The following LRRC37A2 variants were observed in gnomAD, a reference collection of about 807,000 sequenced individuals.
LRRC37A2 encodes leucine-rich repeat-containing protein 37A2.
A neutral mutation model predicts 68.8 loss-of-function variants in LRRC37A2; 9 were observed. That is an observed-to-expected ratio of 0.13 (90% CI 0.08 to 0.23). LRRC37A2 has a LOEUF of 0.23. Among genes scored for constraint, LRRC37A2 ranks in the 10% least tolerant of loss-of-function variants. LRRC37A2 has a pLI of 1.00. For missense variants in LRRC37A2, 168 were observed against 950.4 expected (o/e 0.18, Z 10.82); for synonymous variants, 63 against 367.6 (o/e 0.17, Z 9.48).
chr17:46,823,193 T>C, the LRRC37A2 span, among the ~76,000 whole-genome samples: 1 of 128,398 alleles, frequency 7.8e-6, no homozygotes, highest in Non-Finnish European at 1.5e-5. Context: ...ATATATTATA[T>C]ATATTTATAT....
chr17:46,860,303 G>A, the LRRC37A2 span, among the ~76,000 whole-genome samples: 29,701 of 152,028 alleles, frequency 0.2, 3,558 homozygotes, highest in East Asian at 0.51. Flanking sequence ...AGAGGTCCTG[G>A]TGCCTTTGGG....
At chr17:46,907,167 G>A in the LRRC37A2 span, among the ~76,000 whole-genome samples, 3 of 152,208 alleles carry the variant, frequency 2.0e-5, no homozygotes, top group South Asian at 2.1e-4. Context: ...GTAGCCTGCC[G>A]AGGTCAACAG....
the LRRC37A2 span, chr17:47,018,167 C>A: frequency 6.3e-7 from 1 of 1,598,320 alleles, no homozygotes; most frequent in Non-Finnish European, 8.6e-7. Flanking sequence ...AGCAGGAGAC[C>A]CCAATTCAGT....
At chr17:46,742,973 T>G in the LRRC37A2 span, among the ~76,000 whole-genome samples, 1 of 152,098 alleles carries the variant, frequency 6.6e-6, no homozygotes, top group Admixed American at 6.6e-5. Flanking sequence ...CAGGAAAGCT[T>G]CTTACTCTTG....
the LRRC37A2 span, among the ~76,000 whole-genome samples, chr17:46,896,452 A>AAGAAAGAG: frequency 3.0e-4 from 20 of 65,878 alleles, no homozygotes; most frequent in Middle Eastern, 7.9e-3. Context: ...GAAAGAAAGA[A>AAGAAAGAG]AAAGAAAGAA....
the LRRC37A2 span, among the ~76,000 whole-genome samples, chr17:46,834,412 G>C: frequency 6.6e-6 from 1 of 152,104 alleles, no homozygotes; most frequent in Non-Finnish European, 1.5e-5. Flanking sequence ...TTAGGAGATG[G>C]AGAGTTAGGC....
the LRRC37A2 span, among the ~76,000 whole-genome samples, chr17:46,862,730 C>T: frequency 6.6e-6 from 1 of 152,144 alleles, no homozygotes; most frequent in African/African-American, 2.4e-5. Flanking sequence ...CAACAGGCGT[C>T]TACCACCACA....
the LRRC37A2 span, among the ~76,000 whole-genome samples, chr17:46,959,195 C>T: frequency 3.3e-5 from 5 of 152,162 alleles, no homozygotes; most frequent in African/African-American, 7.2e-5. Flanking sequence ...TCACCTGTGT[C>T]CTACCACCAG....
the LRRC37A2 span, among the ~76,000 whole-genome samples, chr17:46,904,732 A>G: frequency 1.3e-5 from 2 of 152,218 alleles, no homozygotes; most frequent in South Asian, 4.1e-4. Flanking sequence ...CTGAAGAGGC[A>G]TAAAGTTTCA....
the LRRC37A2 span, among the ~76,000 whole-genome samples, chr17:46,762,288 A>ATTGT: frequency 6.6e-6 from 1 of 152,222 alleles, no homozygotes; most frequent in Non-Finnish European, 1.5e-5. Context: ...CTGGAAATTC[A>ATTGT]TTGTTAGAAG....
chr17:46,847,047 A>AT, the LRRC37A2 span, among the ~76,000 whole-genome samples: 1 of 152,182 alleles, frequency 6.6e-6, no homozygotes, highest in Non-Finnish European at 1.5e-5. Flanking sequence ...ACTTTCAGTA[A>AT]TTTTTTTCAT....
intron 6 of LRRC37A2, among the ~76,000 whole-genome samples, chr17:46,525,614 A>AATCATCATC (rs745821194): frequency 8.7e-6 from 1 of 114,506 alleles, no homozygotes; most frequent in African/African-American, 3.0e-5. Context: ...TAATAATAAT[A>AATCATCATC]ATCATCATCA....
the LRRC37A2 span, chr17:46,923,197 A>T: frequency 3.9e-6 from 6 of 1,547,496 alleles, no homozygotes; most frequent in Non-Finnish European, 5.2e-6. Flanking sequence ...GGCGACATGG[A>T]TCCCCTGTTC....
the LRRC37A2 span, among the ~76,000 whole-genome samples, chr17:46,944,572 G>A: frequency 6.6e-6 from 1 of 151,652 alleles, no homozygotes; most frequent in African/African-American, 2.4e-5. Flanking sequence ...GAGCTACCTG[G>A]TCTACAGTGG....
At chr17:46,877,847 G>A in the LRRC37A2 span, among the ~76,000 whole-genome samples, 1 of 152,198 alleles carries the variant, frequency 6.6e-6, no homozygotes, top group Non-Finnish European at 1.5e-5. Flanking sequence ...AGGTGCTTGA[G>A]TCCTTGCTAA....
the LRRC37A2 span, among the ~76,000 whole-genome samples, chr17:46,905,958 C>T: frequency 6.6e-6 from 1 of 152,208 alleles, no homozygotes; most frequent in African/African-American, 2.4e-5. Context: ...CATCTTTCCA[C>T]AGCATCTGGG....
the LRRC37A2 span, among the ~76,000 whole-genome samples, chr17:46,898,629 G>A: frequency 6.6e-6 from 1 of 152,202 alleles, no homozygotes; most frequent in Non-Finnish European, 1.5e-5. Flanking sequence ...GATGAGGAAC[G>A]ACACCTGAAC....
chr17:46,918,046 T>C, the LRRC37A2 span, among the ~76,000 whole-genome samples: 145,468 of 152,342 alleles, frequency 0.95, 69,817 homozygotes, highest in East Asian at 1. Flanking sequence ...ATCACTATTC[T>C]TCACGAGTCC....
At chr17:46,920,857 A>G in the LRRC37A2 span, among the ~76,000 whole-genome samples, 1 of 152,246 alleles carries the variant, frequency 6.6e-6, no homozygotes, top group African/African-American at 2.4e-5. Context: ...CACAAAGCCA[A>G]AATTAAGCTG....
Sources: gnomAD v4.1 joint callset for allele counts (sites outside exome capture counted in the v4.1 genomes callset) on GRCh38, gnomAD v4.1.1 for gene constraint, MANE v1.5 for transcripts, NCBI Gene and HGNC (gene_info 2026-07-23, HGNC 2026-07-21) for gene names.